SLC2A9: variants seen among roughly 807,000 people sequenced by gnomAD.
The protein encoded by SLC2A9 is solute carrier family 2, facilitated glucose transporter member 9.
A neutral mutation model predicts 50.6 loss-of-function variants in SLC2A9; 39 were observed. The ratio of observed to expected loss-of-function variants is 0.77; its 90% CI spans 0.60 to 1.01. The LOEUF is 1.01. Among genes scored for constraint, SLC2A9 ranks in the 50% least tolerant of loss-of-function variants. The pLI, the probability that SLC2A9 is intolerant of heterozygous loss-of-function variation, is 0.00. For synonymous variants in SLC2A9, 324 were observed against 276.9 expected, an observed-to-expected ratio of 1.17 and a Z score of -1.69; for missense variants, 686 against 677.6, an observed-to-expected ratio of 1.01 and a Z score of -0.14.
chr4:9,820,012 A>C (rs1394435217), intron 3 of SLC2A9, among the ~76,000 whole-genome samples: 1 of 152,236 alleles, frequency 6.6e-6, no homozygotes, highest in Non-Finnish European at 1.5e-5. Context: ...TAATTTACCG[A>C]ATTTTCTTTT....
In SLC2A9 at chr4:9,920,451, G is replaced by GT. The variant is rs1488616411; in HGVS notation, c.935dup (p.Tyr312Ter). ...TCACGGTGACCACCTGCCAGCGGAC[G>GT]TAGGGAGCTCTCAGCAGCTCCAGCA... ...VSVLELLRAP[Y>*]VRWQVVTVIV... is the part of the protein sequence containing the mutation. Residue 312 changes from tyrosine (Y) to a stop codon, truncating the protein, a stop_gained and frameshift_variant, in exon 7 of 12, where the codon TAC becomes TAAC. Transcript: ENST00000264784. LOFTEE classifies it high-confidence loss of function. 1.9e-6 allele frequency: 3 copies of GT among 1,614,048 alleles called. No individual in the cohort carries two copies. Among genetic ancestry groups the GT allele is most frequent in the Non-Finnish European group, 2.5e-6 (3 of 1,180,032 alleles).
At chr4:9,849,708 A>G (rs1348455486) in intron 10 of SLC2A9, among the ~76,000 whole-genome samples, 1 of 152,190 alleles carries the variant, frequency 6.6e-6, no homozygotes. Context: ...GAGTGTGGAC[A>G]GTTAATTAGC....
intron 3 of SLC2A9, among the ~76,000 whole-genome samples, chr4:9,816,334 A>C (rs1019992052): frequency 1.3e-5 from 2 of 152,186 alleles, no homozygotes; most frequent in South Asian, 4.2e-4. Context: ...ATTTCTAAAA[A>C]CTTATGGCTC....
intron 6 of SLC2A9, among the ~76,000 whole-genome samples, chr4:9,925,996 T>C (rs6838021): frequency 0.69 from 105,342 of 151,866 alleles, 37,921 homozygotes; most frequent in East Asian, 0.98. Context: ...GTGGCCCACA[T>C]ACGACTGCAA....
chr4:10,010,472 G>A (rs1252048876), intron 2 of SLC2A9, among the ~76,000 whole-genome samples: 2 of 152,128 alleles, frequency 1.3e-5, no homozygotes. Flanking sequence ...CGGAACCCCT[G>A]AGCCTGTCGC....
intron 3 of SLC2A9, chr4:9,782,477 C>G: frequency 6.2e-7 from 1 of 1,613,968 alleles, no homozygotes; most frequent in Non-Finnish European, 8.5e-7. Context: ...CCGCTACAAG[C>G]GCAAGATGAC....
At chr4:9,985,884 G>A in intron 3 of SLC2A9, 91 bp from the exon 4 acceptor site, 1 of 1,573,792 alleles carries the variant, frequency 6.4e-7, no homozygotes, top group Non-Finnish European at 8.7e-7. Flanking sequence ...AGGCCCTTCT[G>A]AAGGGTGAGT....
chr4:9,905,429 G>C (rs1243293754), intron 8 of SLC2A9, among the ~76,000 whole-genome samples: 1 of 152,212 alleles, frequency 6.6e-6, no homozygotes, highest in Admixed American at 6.5e-5. Flanking sequence ...GTACCAACTG[G>C]CCATGGTCCA....
intron 4 of SLC2A9, among the ~76,000 whole-genome samples, chr4:9,985,234 T>C (rs1041844280): frequency 6.6e-6 from 1 of 152,108 alleles, no homozygotes; most frequent in Non-Finnish European, 1.5e-5. Flanking sequence ...TGTGTCTCCA[T>C]CCTATAGTGT....
At chr4:10,009,614 C>G (rs1211638270) in intron 2 of SLC2A9, 1 of 152,206 alleles carries the variant, frequency 6.6e-6, no homozygotes, top group African/African-American at 2.4e-5. Context: ...TCTCCCCTCC[C>G]AAGAAGACAA....
intron 5 of SLC2A9, among the ~76,000 whole-genome samples, chr4:9,966,548 C>G (rs1183396359): frequency 1.3e-5 from 2 of 151,978 alleles, no homozygotes; most frequent in East Asian, 3.9e-4. Context: ...CCCAGCTACT[C>G]GAGCGGCTGA....
At position 9,884,768 on chromosome 4, in the gene SLC2A9, C is replaced by A. The variant is rs1459376599; in HGVS notation, c.1291+2799G>T. ...ACAATAGCAAAGACATAGAATCAACCCAAATGCTCATCAATGATAGACTGG... is the reference window on the plus strand; with the variant it reads ...ACAATAGCAAAGACATAGAATCAACACAAATGCTCATCAATGATAGACTGG... On this transcript the variant is annotated intron_variant, in intron 10 of 11. Transcript: ENST00000264784. Among the ~76,000 whole-genome samples the A allele has an allele frequency of 5.9e-5, 9 of 152,112 alleles. No individual in the cohort carries two copies. In the East Asian group the frequency reaches 9.6e-4, roughly 16 times the overall value.
intron 10 of SLC2A9, among the ~76,000 whole-genome samples, chr4:9,851,313 G>A (rs1441099300): frequency 2.0e-5 from 3 of 152,178 alleles, no homozygotes; most frequent in Non-Finnish European, 2.9e-5. Flanking sequence ...GTGCTGAGCT[G>A]AGCGTTGGCT....
chr4:9,961,711 A>G (rs527336099), intron 5 of SLC2A9, among the ~76,000 whole-genome samples: 2 of 152,352 alleles, frequency 1.3e-5, no homozygotes, highest in East Asian at 3.9e-4. Flanking sequence ...GAATCTAACT[A>G]AACTAAAGAG....
At chr4:9,867,115 T>C (rs1732619072) in intron 10 of SLC2A9, among the ~76,000 whole-genome samples, 1 of 152,200 alleles carries the variant, frequency 6.6e-6, no homozygotes, top group African/African-American at 2.4e-5. Context: ...CAATGGGCAC[T>C]TTTCCATCCT....
chr4:9,856,515 TG>T lies in SLC2A9; in HGVS notation c.1292-21508del, dbSNP rs571669976. On this transcript the variant is annotated intron_variant, in intron 10 of 11. Transcript: ENST00000264784. ...AAAGAGAAAGCTTATATACTGTTGG[TG>T]GGAATGTGTTAGTTCAGCCACTGTG... 1.8e-3 allele frequency among the ~76,000 whole-genome samples: 272 copies of T among 152,328 alleles called. 2 individuals are homozygous for T. The highest frequency in any genetic ancestry group is 0.014 in the South Asian group (66 of 4,824).
chr4:9,979,134 C>A (rs74535554), intron 5 of SLC2A9, among the ~76,000 whole-genome samples: 25 of 152,212 alleles, frequency 1.6e-4, no homozygotes, highest in African/African-American at 5.5e-4. Context: ...ACAACCCATA[C>A]GTGGCTTTGA....
At chr4:10,038,922 C>T (rs902771939) in intron 1 of SLC2A9, among the ~76,000 whole-genome samples, 18 of 152,176 alleles carry the variant, frequency 1.2e-4, no homozygotes, top group Admixed American at 2.0e-4. Context: ...GGCTAGGTGG[C>T]TAAATAGTCT....
intron 3 of SLC2A9, among the ~76,000 whole-genome samples, chr4:9,801,678 G>A (rs547109184): frequency 1.0e-3 from 157 of 152,316 alleles, no homozygotes; most frequent in African/African-American, 3.7e-3. Context: ...GCCTCAGAGG[G>A]CATTGAGATG....
Sources: gnomAD v4.1 joint callset for allele counts (sites outside exome capture counted in the v4.1 genomes callset) on GRCh38, gnomAD v4.1.1 for gene constraint, MANE v1.5 for transcripts, NCBI Gene and HGNC (gene_info 2026-07-23, HGNC 2026-07-21) for gene names.